The following KLRD1 variants were observed in gnomAD, a reference collection of about 807,000 sequenced individuals.
KLRD1 encodes natural killer cells antigen CD94.
In KLRD1, 21 loss-of-function variants were observed where a neutral mutation model predicts 22.6. The observed-to-expected ratio is 0.93, with a 90% CI of 0.66 to 1.34. The LOEUF is 1.34. Ranked by LOEUF, KLRD1 falls within the 40% of genes most tolerant of loss-of-function variation. KLRD1 has a pLI of 0.00. For synonymous variants in KLRD1, 59 were observed against 71.1 expected (o/e 0.83, Z 0.85); for missense variants, 183 against 208.6 (o/e 0.88, Z 0.76).
intron 5 of KLRD1, among the ~76,000 whole-genome samples, chr12:10,313,782 T>C (rs1439683474): frequency 6.6e-6 from 1 of 152,164 alleles, no homozygotes; most frequent in African/African-American, 2.4e-5. Flanking sequence ...CTGATAACCA[T>C]TACATGCTTG....
intron 1 of KLRD1, among the ~76,000 whole-genome samples, chr12:10,272,662 T>C (rs1017123057): frequency 3.9e-5 from 6 of 152,162 alleles, no homozygotes; most frequent in Admixed American, 3.9e-4. Context: ...AGGGTCAGAA[T>C]GAGATGGGAC....
intron 1 of KLRD1, 122 bp from the exon 2 acceptor site, chr12:10,309,266 C>A (rs1949996283): frequency 3.3e-6 from 2 of 614,112 alleles, no homozygotes; most frequent in Non-Finnish European, 5.9e-6. Flanking sequence ...GTTTTATTGG[C>A]AAGATGACTC....
intron 1 of KLRD1, among the ~76,000 whole-genome samples, chr12:10,294,727 C>T (rs2137671052): frequency 6.6e-6 from 1 of 152,220 alleles, no homozygotes; most frequent in East Asian, 1.9e-4. Flanking sequence ...TGAAGTTGGA[C>T]CCACTCTGAT....
chr12:10,299,182 GT>G (rs35355894), intron 1 of KLRD1, among the ~76,000 whole-genome samples: 126 of 142,478 alleles, frequency 8.8e-4, no homozygotes, highest in East Asian at 2.3e-3. Flanking sequence ...TCCATTCTGC[GT>G]TTTTTTTTTT....
At chr12:10,263,057 T>G (rs1329130574) in intron 1 of KLRD1, among the ~76,000 whole-genome samples, 5 of 152,078 alleles carry the variant, frequency 3.3e-5, no homozygotes, top group Admixed American at 3.3e-4. Context: ...AAGTACTGTT[T>G]ATCACGACAA....
At chr12:10,254,255 C>T (rs888299011) in intron 1 of KLRD1, among the ~76,000 whole-genome samples, 2 of 151,622 alleles carry the variant, frequency 1.3e-5, no homozygotes, top group African/African-American at 2.4e-5. Flanking sequence ...GGTGAAACCC[C>T]GTCTCTACTA....
intron 1 of KLRD1, among the ~76,000 whole-genome samples, chr12:10,275,050 C>T (rs979629922): frequency 3.9e-5 from 6 of 152,022 alleles, no homozygotes; most frequent in Non-Finnish European, 8.8e-5. Flanking sequence ...CCACCACACC[C>T]AGCTAATTTT....
At chr12:10,285,744 A>T (rs1467497297) in intron 1 of KLRD1, among the ~76,000 whole-genome samples, 1 of 152,082 alleles carries the variant, frequency 6.6e-6, no homozygotes, top group East Asian at 1.9e-4. Flanking sequence ...ATGCTTTATG[A>T]TTCTTATGTT....
rs1006129561 is a variant in KLRD1 at position 10,328,831 on chromosome 12, G to A, written c.*14038G>A. ...GGACTCACAGTTCCACGTGGCTGGG[G>A]AGGCCTCACTATCATGGCAGAAGGT... On this transcript the variant is annotated 3_prime_UTR_variant, in exon 6 of 6. Transcript: ENST00000336164. 1.3e-5 allele frequency: 2 copies of A among 152,220 alleles called. No homozygotes were observed. Among genetic ancestry groups the A allele is most frequent in the Non-Finnish European group, 2.9e-5 (2 of 68,094 alleles). The allele number at this position is 152,220 out of a possible 1,614,324, so 9.4% of individuals were successfully genotyped here.
At position 10,328,620 on chromosome 12, in the gene KLRD1, A is replaced by G. The variant is rs1003720321; in HGVS notation, c.*13827A>G. On this transcript the variant is annotated 3_prime_UTR_variant, in exon 6 of 6. Coordinates refer to ENST00000336164, the MANE Select transcript of KLRD1 (RefSeq NM_002262.5). ...TCTTAGTTTTGTTTACTTTTTATAT[A>G]TCCTTTCCATTCACTATTTTATTTC... 7 of 152,102 alleles carry G rather than the reference A, an allele frequency of 4.6e-5. No individual in the cohort carries two copies. Among genetic ancestry groups the G allele is most frequent in the Non-Finnish European group, 5.9e-5 (4 of 68,006 alleles). The allele number at this position is 152,102 out of a possible 1,614,324, so 9.4% of individuals were successfully genotyped here.
intron 1 of KLRD1, among the ~76,000 whole-genome samples, chr12:10,296,400 C>A (rs1949821776): frequency 6.6e-6 from 1 of 152,060 alleles, no homozygotes; most frequent in South Asian, 2.1e-4. Flanking sequence ...CCTGTAATCC[C>A]AGCTACTCGG....
At chr12:10,286,658 G>T (rs1458818188) in intron 1 of KLRD1, among the ~76,000 whole-genome samples, 2 of 121,808 alleles carry the variant, frequency 1.6e-5, no homozygotes, top group Admixed American at 8.7e-5. Flanking sequence ...TTTCGCTTAT[G>T]GTGCTTTTTT....
At chr12:10,244,542 G>A (rs2137612284) in intron 1 of KLRD1, among the ~76,000 whole-genome samples, 1 of 152,300 alleles carries the variant, frequency 6.6e-6, no homozygotes, top group Non-Finnish European at 1.5e-5. Flanking sequence ...AGCACTTTGA[G>A]AGGCTGAGGT....
chr12:10,321,120 A>G lies in KLRD1; in HGVS notation c.*6327A>G, dbSNP rs1565478504. ...TAAGCAGAAATAGGACTGAGTCCTA[A>G]TCAAATGAGTCCCGACATTTGCTAT... On this transcript the variant is annotated 3_prime_UTR_variant, in exon 6 of 6. Coordinates refer to ENST00000336164, the MANE Select transcript of KLRD1 (RefSeq NM_002262.5). 6.6e-6 allele frequency: 1 copy of G among 152,220 alleles called. No individual in the cohort carries two copies. Among genetic ancestry groups the G allele is most frequent in the Non-Finnish European group, 1.5e-5 (1 of 68,044 alleles). The allele number at this position is 152,220 out of a possible 1,614,324, so 9.4% of individuals were successfully genotyped here.
chr12:10,254,479 T>C (rs1166593435), intron 1 of KLRD1, among the ~76,000 whole-genome samples: 1 of 147,156 alleles, frequency 6.8e-6, no homozygotes, highest in Non-Finnish European at 1.5e-5. Flanking sequence ...ACAGACAATG[T>C]ACAGACTGGG....
intron 1 of KLRD1, among the ~76,000 whole-genome samples, chr12:10,247,862 T>C (rs1321038450): frequency 1.3e-5 from 2 of 152,190 alleles, no homozygotes; most frequent in Non-Finnish European, 2.9e-5. Context: ...TCTGCCACGA[T>C]TGAGACCTCT....
intron 1 of KLRD1, among the ~76,000 whole-genome samples, chr12:10,243,116 G>A (rs1949256259): frequency 6.6e-6 from 1 of 151,722 alleles, no homozygotes; most frequent in African/African-American, 2.4e-5. Flanking sequence ...AGAGACTGGG[G>A]GAAAGAGAAT....
At position 10,314,780 on chromosome 12, in the gene KLRD1, A is replaced by C; in HGVS notation, c.527A>C (p.Gln176Pro). The C allele has an allele frequency of 6.2e-7, 1 of 1,606,214 alleles. No individual in the cohort carries two copies. ...GATAAAAATCGTTATATCTGTAAGC[A>C]ACAGCTCATTTAAATGTTTCTTGGG... The part of the protein sequence containing the change: ...CEDKNRYICK[Q>P]QLI The change falls in exon 6 of 6, where the codon CAA becomes CCA. Residue 176 changes from glutamine (Q) to proline (P), a missense_variant. By Grantham distance (76) the Gln-to-Pro change is moderately conservative (BLOSUM62 -1). Transcript: ENST00000336164.
intron 1 of KLRD1, among the ~76,000 whole-genome samples, chr12:10,265,951 G>T (rs1949495126): frequency 6.6e-6 from 1 of 152,122 alleles, no homozygotes; most frequent in South Asian, 2.1e-4. Context: ...AAAAAGTGAA[G>T]AACACCTCCC....
Sources: gnomAD v4.1 joint callset for allele counts (sites outside exome capture counted in the v4.1 genomes callset) on GRCh38, gnomAD v4.1.1 for gene constraint, MANE v1.5 for transcripts, NCBI Gene and HGNC (gene_info 2026-07-23, HGNC 2026-07-21) for gene names.